The following RILPL1 variants were observed in gnomAD, a reference collection of about 807,000 sequenced individuals.
RILPL1 encodes Rab interacting lysosomal protein like 1.
RILPL1 carries 33 observed loss-of-function variants against 50.3 expected under a neutral mutation model. The ratio of observed to expected loss-of-function variants is 0.66; its 90% confidence interval spans 0.50 to 0.88. RILPL1 has a LOEUF of 0.88. Among genes scored for constraint, RILPL1 ranks in the 40% least tolerant of loss-of-function variants. RILPL1 has a pLI of 0.00. For synonymous variants in RILPL1, 205 were observed against 228.6 expected (o/e 0.90, Z 0.93); for missense variants, 418 against 542.5 (o/e 0.77, Z 2.28).
intron 4 of RILPL1, among the ~76,000 whole-genome samples, chr12:123,490,265 C>A (rs1023943399): frequency 2.0e-5 from 3 of 152,154 alleles, no homozygotes; most frequent in Admixed American, 6.5e-5. Context: ...CCCAAACCCC[C>A]ACCTCTCGAG....
At chr12:123,523,961 G>C (rs998719284) in intron 1 of RILPL1, among the ~76,000 whole-genome samples, 1 of 152,190 alleles carries the variant, frequency 6.6e-6, no homozygotes, top group African/African-American at 2.4e-5. Flanking sequence ...CAGGATACGG[G>C]GGTCCGAACG....
In RILPL1 at chr12:123,512,486, C is replaced by G. The variant is rs549086250; in HGVS notation, c.460+11009G>C. ...TGTGTGTGAGGGCTGTGTGTGAGGT[C>G]TGTGTGTGTGTGGTGTGAGATCTGT... On this transcript the variant is annotated intron_variant, in intron 2 of 6. Transcript: ENST00000376874. Among the ~76,000 whole-genome samples, 55 of 77,990 alleles carry G rather than the reference C, an allele frequency of 7.1e-4. No homozygotes were observed. The South Asian group carries it at 9.3e-3, about 13-fold the overall frequency. 51.2% of individuals were successfully genotyped at this position (77,990 alleles called of 152,430 possible). A position where few individuals can be genotyped will look rare whatever the true frequency, so the allele number is the denominator to read the frequency against.
intron 1 of RILPL1, among the ~76,000 whole-genome samples, chr12:123,524,643 T>A (rs7313179): frequency 1.3e-5 from 2 of 152,046 alleles, no homozygotes; most frequent in African/African-American, 2.4e-5. Context: ...AGGTGGACCC[T>A]GAAAACATTA....
intron 6 of RILPL1, among the ~76,000 whole-genome samples, chr12:123,478,293 G>A (rs920577969): frequency 1.3e-5 from 2 of 151,954 alleles, no homozygotes; most frequent in East Asian, 1.9e-4. Flanking sequence ...GAACCACCGC[G>A]CCTGGCCCTG....
chr12:123,487,194 G>A (rs1882399165), intron 4 of RILPL1, among the ~76,000 whole-genome samples: 1 of 152,212 alleles, frequency 6.6e-6, no homozygotes, highest in South Asian at 2.1e-4. Context: ...TGCCTACCAT[G>A]GACATTTCCC....
chr12:123,484,590 G>A (rs1451037944), intron 5 of RILPL1, among the ~76,000 whole-genome samples: 1 of 151,354 alleles, frequency 6.6e-6, no homozygotes. Flanking sequence ...TCCTCCAGGA[G>A]GCCTTCCGAT....
intron 1 of RILPL1, among the ~76,000 whole-genome samples, chr12:123,528,297 T>C (rs967844532): frequency 6.8e-6 from 1 of 147,504 alleles, no homozygotes; most frequent in Admixed American, 6.8e-5. Flanking sequence ...AGGCTGAAGC[T>C]GCAGTGAGCC....
At chr12:123,518,565 T>C (rs1884842459) in intron 2 of RILPL1, among the ~76,000 whole-genome samples, 1 of 151,074 alleles carries the variant, frequency 6.6e-6, no homozygotes, top group South Asian at 2.1e-4. Context: ...GTACGTTAGA[T>C]TTTTTCACAA....
intron 6 of RILPL1, among the ~76,000 whole-genome samples, chr12:123,480,209 C>T (rs182429082): frequency 7.5e-5 from 11 of 146,434 alleles, no homozygotes; most frequent in Non-Finnish European, 1.0e-4. Context: ...TGTCCAGGCT[C>T]GAATGCAGTG....
chr12:123,511,668 CTGTG>C (rs1341911202), intron 2 of RILPL1, among the ~76,000 whole-genome samples: 4 of 83,720 alleles, frequency 4.8e-5, no homozygotes, highest in Non-Finnish European at 6.8e-5. Context: ...TGTGTGAGGT[CTGTG>C]TGTGTGGTGT....
At chr12:123,505,491 T>TA (rs1419621074) in intron 2 of RILPL1, among the ~76,000 whole-genome samples, 3 of 152,072 alleles carry the variant, frequency 2.0e-5, no homozygotes, top group South Asian at 4.2e-4. Flanking sequence ...CTTGGCTAAT[T>TA]AAAAAAAATT....
intron 2 of RILPL1, among the ~76,000 whole-genome samples, chr12:123,518,072 C>T (rs558509847): frequency 4.6e-5 from 7 of 152,058 alleles, no homozygotes; most frequent in Non-Finnish European, 8.8e-5. Flanking sequence ...GGGCCAATGG[C>T]GTGGTGGGTG....
rs531367199 is a variant in RILPL1 at position 123,522,526 on chromosome 12, C to T, written c.460+969G>A. Among the ~76,000 whole-genome samples the T allele has an allele frequency of 2.0e-5, 3 of 152,296 alleles. No individual in the cohort carries two copies. The South Asian group carries it at 6.2e-4, about 32-fold the overall frequency. The stretch of plus-strand genomic sequence containing the variant: ...CTTAGAATAAAATCCAAACCTCAGC[C>T]TCTAAGGAGCTACATGAACTGACCC... On this transcript the variant is annotated intron_variant, in intron 2 of 6. Transcript: ENST00000376874. The surrounding 1 kb of genome is among the most constrained non-coding windows in gnomAD (Gnocchi z 4.0).
intron 2 of RILPL1, chr12:123,513,552 C>CTT (rs1246885847): frequency 4.8e-6 from 1 of 208,422 alleles, no homozygotes; most frequent in Non-Finnish European, 1.0e-5. Context: ...CTCTTAGTTG[C>CTT]TTTCCCTTCA....
In RILPL1 at chr12:123,533,330, C is replaced by T. The variant is rs117058568; in HGVS notation, c.153G>A (p.Ala51=). Residue 51 remains alanine (A), a synonymous_variant, in exon 1 of 7, where the codon GCG becomes GCA. Transcript: ENST00000376874. The surrounding 1 kb of genome is among the most constrained non-coding windows in gnomAD (Gnocchi z 6.2). ...VIDQHGCEAI[A]RLMPKVVRVL... ...CGCGCACGACCTTGGGCATGAGGCG[C>T]GCGATGGCCTCGCAGCCGTGCTGGT... The T allele has an allele frequency of 2.5e-3, 3,902 of 1,583,418 alleles. 5 individuals carry two copies. The highest frequency in any genetic ancestry group is 3.1e-3 in the Non-Finnish European group (3,572 of 1,167,882).
intron 2 of RILPL1, among the ~76,000 whole-genome samples, chr12:123,505,540 A>T (rs1883691801): frequency 6.6e-6 from 1 of 151,622 alleles, no homozygotes; most frequent in Admixed American, 6.6e-5. Flanking sequence ...CTGGTCTTGA[A>T]CTCCTGGCCT....
intron 2 of RILPL1, among the ~76,000 whole-genome samples, chr12:123,512,859 T>C (rs1884441820): frequency 6.8e-6 from 1 of 146,080 alleles, no homozygotes; most frequent in African/African-American, 2.6e-5. Context: ...GGTTTGTGTG[T>C]GTGTGGTGTG....
In RILPL1 at chr12:123,499,449, T is replaced by A; in HGVS notation, c.548A>T (p.Glu183Val). 3.7e-6 allele frequency: 6 copies of A among 1,613,840 alleles called. No individual in the cohort carries two copies. The highest frequency in any genetic ancestry group is 5.1e-6 in the Non-Finnish European group (6 of 1,179,822). Residue 183 changes from glutamate to valine, a missense_variant, in exon 3 of 7, where the codon GAG becomes GTG. Coordinates refer to ENST00000376874, the MANE Select transcript of RILPL1 (RefSeq NM_178314.5). ...QRDEIRAKDR[E>V]LGLKNEDVEA... ...AACGTCCTCATTTTTCAGGCCCAGC[T>A]CCCTGTCCTTGGCGCGGATCTCGTC... is the stretch of plus-strand genomic sequence containing the variant.
intron 4 of RILPL1, among the ~76,000 whole-genome samples, chr12:123,497,720 T>C (rs1883115669): frequency 6.6e-6 from 1 of 152,016 alleles, no homozygotes; most frequent in African/African-American, 2.4e-5. Flanking sequence ...TTTTAAAGAA[T>C]TTTTTGTAGA....
Sources: gnomAD v4.1 joint callset for allele counts (sites outside exome capture counted in the v4.1 genomes callset) on GRCh38, gnomAD v4.1.1 for gene constraint, Gnocchi (gnomAD v3.1) non-coding constraint, MANE v1.5 for transcripts, NCBI Gene and HGNC (gene_info 2026-07-23, HGNC 2026-07-21) for gene names.